The following IL1RAPL1 variants were observed in gnomAD, a reference collection of about 807,000 sequenced individuals.
IL1RAPL1 encodes interleukin 1 receptor accessory protein like 1.
A neutral mutation model predicts 48.4 loss-of-function variants in IL1RAPL1; 3 were observed. The observed-to-expected ratio is 0.06, with a 90% CI of 0.03 to 0.16. The LOEUF is 0.16. Among genes scored for constraint, IL1RAPL1 ranks in the 10% least tolerant of loss-of-function variants. The pLI, the probability that IL1RAPL1 is intolerant of heterozygous loss-of-function variation, is 1.00. For missense variants in IL1RAPL1, 349 were observed against 530.6 expected, an observed-to-expected ratio of 0.66 and a Z score of 3.36; for synonymous variants, 185 against 187.7, an observed-to-expected ratio of 0.99 and a Z score of 0.12.
At chrX:28,959,924 T>G (rs183007364) in intron 2 of IL1RAPL1, among the ~76,000 whole-genome samples, 34 of 112,200 alleles carry the variant, frequency 3.0e-4, no homozygotes, top group Admixed American at 2.9e-3. Context: ...TGAAATGTGC[T>G]CTTTTCTGTC....
chrX:29,798,568 A>T (rs1929801492), intron 6 of IL1RAPL1, among the ~76,000 whole-genome samples: 1 of 112,220 alleles, frequency 8.9e-6, no homozygotes, highest in Non-Finnish European at 1.9e-5. Context: ...CCAGAAGGGA[A>T]GTTTCATTTC....
chrX:29,333,038 T>C (rs1490500278), intron 3 of IL1RAPL1, among the ~76,000 whole-genome samples: 14 of 112,400 alleles, frequency 1.2e-4, no homozygotes, highest in Admixed American at 5.6e-4. Flanking sequence ...AAGTCTCCCA[T>C]GTCTACTTCT....
At chrX:29,322,446 G>A (rs182083115) in intron 3 of IL1RAPL1, among the ~76,000 whole-genome samples, 7 of 110,544 alleles carry the variant, frequency 6.3e-5, no homozygotes, top group African/African-American at 2.3e-4. Flanking sequence ...TGTATTTTTA[G>A]TAGAGATGAG....
chrX:29,004,002 TGTG>T (rs1178256190), intron 2 of IL1RAPL1, among the ~76,000 whole-genome samples: 1 of 110,744 alleles, frequency 9.0e-6, no homozygotes, highest in African/African-American at 3.3e-5. Context: ...ATTAGCCAGA[TGTG>T]GTGGTGTGTA....
intron 9 of IL1RAPL1, among the ~76,000 whole-genome samples, chrX:29,946,726 A>G (rs1388553177): frequency 1.8e-5 from 2 of 111,990 alleles, no homozygotes; most frequent in Non-Finnish European, 3.8e-5. Context: ...AAATGTGGCA[A>G]TACTCCAGTG....
intron 2 of IL1RAPL1, among the ~76,000 whole-genome samples, chrX:29,238,359 A>T (rs1931347693): frequency 8.9e-6 from 1 of 112,168 alleles, no homozygotes. Context: ...GGTTTTAGTT[A>T]GCTACAATGT....
chrX:29,011,321 C>T (rs1334564782), intron 2 of IL1RAPL1, among the ~76,000 whole-genome samples: 1 of 112,221 alleles, frequency 8.9e-6, no homozygotes, highest in Non-Finnish European at 1.9e-5. Context: ...CAGAGTTGTA[C>T]ATGAATGAAC....
At position 29,695,597 on chromosome X, in the gene IL1RAPL1, C is replaced by T. The variant is rs186562133; in HGVS notation, c.778+27093C>T. ...ACTTTCCTTGGTGCTTGCAAGGTGG[C>T]GAGAGAGAGAGAGAGAGAGAGAGAG... On this transcript the variant is annotated intron_variant, in intron 6 of 10. Transcript: ENST00000378993. 3.4e-3 allele frequency among the ~76,000 whole-genome samples: 319 copies of T among 94,869 alleles called. 1 individual carries two copies. The highest frequency in any genetic ancestry group is 0.01 in the Middle Eastern group (2 of 191). The allele number at this position is 94,869 out of a possible 115,157, so 82.4% of individuals were successfully genotyped here. A position where few individuals can be genotyped will look rare whatever the true frequency, so the allele number is the denominator to read the frequency against.
At chrX:29,057,541 C>T (rs1359103035) in intron 2 of IL1RAPL1, among the ~76,000 whole-genome samples, 7 of 110,445 alleles carry the variant, frequency 6.3e-5, no homozygotes, top group African/African-American at 2.3e-4. Context: ...GATTCTCCTG[C>T]CTCAGCCTCC....
At chrX:29,814,811 T>C (rs779152972) in intron 6 of IL1RAPL1, among the ~76,000 whole-genome samples, 1 of 112,232 alleles carries the variant, frequency 8.9e-6, no homozygotes, top group Admixed American at 9.5e-5. Flanking sequence ...TGGCCAGTTA[T>C]TCCAACACCA....
At chrX:29,921,927 A>C (rs1932851290) in intron 8 of IL1RAPL1, among the ~76,000 whole-genome samples, 1 of 111,968 alleles carries the variant, frequency 8.9e-6, no homozygotes, top group Admixed American at 9.5e-5. Context: ...TGTATTAGCG[A>C]AATACTTTTA....
chrX:29,449,274 A>G (rs747967984), intron 5 of IL1RAPL1, among the ~76,000 whole-genome samples: 54 of 110,892 alleles, frequency 4.9e-4, no homozygotes, highest in Non-Finnish European at 8.0e-4. Flanking sequence ...AATATTCTTA[A>G]CTCATTCTCT....
At chrX:29,162,806 G>A (rs1214472798) in intron 2 of IL1RAPL1, among the ~76,000 whole-genome samples, 1 of 111,054 alleles carries the variant, frequency 9.0e-6, no homozygotes, top group African/African-American at 3.3e-5. Flanking sequence ...AGGCATGGTG[G>A]CTCACGCCTG....
At chrX:29,767,225 A>G (rs890654267) in intron 6 of IL1RAPL1, among the ~76,000 whole-genome samples, 1 of 112,258 alleles carries the variant, frequency 8.9e-6, no homozygotes, top group African/African-American at 3.2e-5. Context: ...ATTTATACAC[A>G]ACTAATCTTG....
chrX:29,281,161 G>T (rs1220756047), intron 2 of IL1RAPL1, among the ~76,000 whole-genome samples: 2 of 111,155 alleles, frequency 1.8e-5, no homozygotes, highest in African/African-American at 3.3e-5. Flanking sequence ...CTGTTAGATT[G>T]CCCTCTTATT....
intron 6 of IL1RAPL1, among the ~76,000 whole-genome samples, chrX:29,769,393 T>C (rs1928992634): frequency 9.6e-6 from 1 of 104,647 alleles, no homozygotes; most frequent in African/African-American, 3.5e-5. Context: ...ACAAGTGGAA[T>C]TGATGAGTCA....
chrX:29,860,765 G>T (rs1041543204), intron 6 of IL1RAPL1, among the ~76,000 whole-genome samples: 1 of 112,071 alleles, frequency 8.9e-6, no homozygotes, highest in Admixed American at 9.5e-5. Context: ...ATCATTGATG[G>T]GCATTTGGGT....
At chrX:29,081,020 C>CTCTTTTCT (rs1555960745) in intron 2 of IL1RAPL1, among the ~76,000 whole-genome samples, 32 of 41,909 alleles carry the variant, frequency 7.6e-4, no homozygotes, top group African/African-American at 2.3e-3. Flanking sequence ...CTCTCTCTCT[C>CTCTTTTCT]TTTCTTTTCT....
chrX:29,623,913 CT>C (rs1924540761), intron 5 of IL1RAPL1, among the ~76,000 whole-genome samples: 1 of 111,815 alleles, frequency 8.9e-6, no homozygotes, highest in Non-Finnish European at 1.9e-5. Context: ...GAGATAACAT[CT>C]TAGTCCTTAT....
Sources: allele counts gnomAD v4.1 joint callset (sites outside exome capture counted in the v4.1 genomes callset), GRCh38; gene constraint gnomAD v4.1.1; transcripts MANE v1.5; gene names NCBI Gene and HGNC (gene_info 2026-07-23, HGNC 2026-07-21).